Variants in SRGAP1 observed in about 807,000 individuals in gnomAD.
The protein encoded by SRGAP1 is SLIT-ROBO Rho GTPase-activating protein 1.
A neutral mutation model predicts 121.9 loss-of-function variants in SRGAP1; 43 were observed. That is an observed-to-expected ratio of 0.35 (90% CI 0.28 to 0.46). The LOEUF is 0.46. Ranked by LOEUF, SRGAP1 falls within the 20% of genes least tolerant of loss-of-function variation. The pLI, the probability that SRGAP1 is intolerant of heterozygous loss-of-function variation, is 1.00. For missense variants in SRGAP1, 1,102 were observed against 1,350.9 expected (o/e 0.82, Z 2.89); for synonymous variants, 447 against 485.4 (o/e 0.92, Z 1.04).
intron 1 of SRGAP1, among the ~76,000 whole-genome samples, chr12:63,851,877 C>T (rs1199075333): frequency 6.6e-6 from 1 of 151,900 alleles, no homozygotes; most frequent in Non-Finnish European, 1.5e-5. Context: ...TCCTTGTTGT[C>T]TTTGTGAGAT....
chr12:63,871,715 A>AT, intron 1 of SRGAP1: 2 of 909,026 alleles, frequency 2.2e-6, no homozygotes, highest in Non-Finnish European at 3.5e-6. Context: ...TCTCTTCAAA[A>AT]TTAAAAGAAA....
chr12:63,908,896 A>C (rs1592936740), intron 1 of SRGAP1, among the ~76,000 whole-genome samples: 1 of 151,888 alleles, frequency 6.6e-6, no homozygotes, highest in East Asian at 1.9e-4. Context: ...TTACAATAAT[A>C]ATCTTTTTTT....
Position 64,156,287 on chromosome 12 carries a change from A to G in SRGAP1, c.*13615A>G, listed in dbSNP as rs2037164036. Reference sequence around the variant, plus strand: ...TCCTTAATGTTGATTTTGTAGACTCATTTGCAGGAAGAACAATGTCAGGTG... The same window carrying G: ...TCCTTAATGTTGATTTTGTAGACTCGTTTGCAGGAAGAACAATGTCAGGTG... On this transcript the variant is annotated 3_prime_UTR_variant, in exon 22 of 22. Transcript: ENST00000355086. The G allele has an allele frequency of 6.6e-6, 1 of 152,214 alleles. No homozygotes were observed. Among genetic ancestry groups the G allele is most frequent in the South Asian group, 2.1e-4 (1 of 4,834 alleles). 9.4% of individuals were successfully genotyped at this position (152,214 alleles called of 1,614,324 possible).
intron 1 of SRGAP1, among the ~76,000 whole-genome samples, chr12:63,908,820 G>A (rs1257125993): frequency 6.6e-6 from 1 of 151,952 alleles, no homozygotes; most frequent in African/African-American, 2.4e-5. Flanking sequence ...AGAGTCTTGT[G>A]TATTAATCTT....
chr12:64,127,947 C>G lies in SRGAP1; in HGVS notation c.2627C>G (p.Ala876Gly). ...DGHCPLHPPH[A>G]LSNSSVDLGS... ...CATTGCCCGCTCCACCCTCCACATG[C>G]CCTTTCTAACTCCTCAGTTGACCTA... Residue 876 changes from alanine to glycine, a missense_variant, in exon 21 of 22, where the codon GCC becomes GGC. Ala to Gly is a moderately conservative substitution (Grantham distance 60). Coordinates refer to ENST00000355086, the MANE Select transcript of SRGAP1 (RefSeq NM_020762.4). 6.2e-7 allele frequency: 1 copy of G among 1,614,238 alleles called. No homozygotes were observed. The highest frequency in any genetic ancestry group is 1.7e-5 in the Admixed American group (1 of 60,032).
chr12:63,881,495 G>A (rs1443077101), intron 1 of SRGAP1, among the ~76,000 whole-genome samples: 6 of 152,174 alleles, frequency 3.9e-5, no homozygotes, highest in Non-Finnish European at 7.3e-5. Context: ...CAGGATGTCT[G>A]GATTCCCATC....
chr12:63,957,461 G>A (rs2032506902), intron 1 of SRGAP1, among the ~76,000 whole-genome samples: 1 of 152,160 alleles, frequency 6.6e-6, no homozygotes, highest in Non-Finnish European at 1.5e-5. Context: ...TCTGGCCCTG[G>A]AGAAAAGATG....
At chr12:64,058,899 A>G (rs963528152) in intron 6 of SRGAP1, among the ~76,000 whole-genome samples, 2 of 152,220 alleles carry the variant, frequency 1.3e-5, no homozygotes, top group African/African-American at 4.8e-5. Flanking sequence ...TCTTGTTTCT[A>G]GTTCAAGATG....
intron 19 of SRGAP1, among the ~76,000 whole-genome samples, 198 bp downstream of exon 19, chr12:64,126,355 C>T (rs1025592785): frequency 1.3e-5 from 2 of 152,218 alleles, no homozygotes; most frequent in Admixed American, 6.5e-5. Flanking sequence ...GGAACAAGAA[C>T]TCTGGGGAGA....
chr12:64,035,376 C>T (rs1187987252), intron 4 of SRGAP1, among the ~76,000 whole-genome samples: 1 of 152,100 alleles, frequency 6.6e-6, no homozygotes, highest in African/African-American at 2.4e-5. Context: ...ATTTGTAGTG[C>T]AGTAAGAGTA....
At chr12:63,920,804 T>G (rs1375784933) in intron 1 of SRGAP1, among the ~76,000 whole-genome samples, 1 of 152,170 alleles carries the variant, frequency 6.6e-6, no homozygotes, top group Non-Finnish European at 1.5e-5. Context: ...GATAATATCC[T>G]GGTTTGGGAG....
At chr12:63,998,901 C>G (rs2033794081) in intron 3 of SRGAP1, among the ~76,000 whole-genome samples, 1 of 152,114 alleles carries the variant, frequency 6.6e-6, no homozygotes, top group African/African-American at 2.4e-5. Flanking sequence ...TTGTCTCAGG[C>G]ATTTGTCAAG....
intron 1 of SRGAP1, among the ~76,000 whole-genome samples, chr12:63,920,986 A>C (rs2031018470): frequency 6.6e-6 from 1 of 152,180 alleles, no homozygotes; most frequent in South Asian, 2.1e-4. Context: ...CCTTCAATTA[A>C]ACATGTACAA....
chr12:63,921,981 C>CT (rs745306989), intron 1 of SRGAP1, among the ~76,000 whole-genome samples: 3,964 of 143,572 alleles, frequency 0.028, 70 homozygotes, highest in Non-Finnish European at 0.035. Flanking sequence ...TGATTTCTTT[C>CT]TTTTTTTTTT....
At chr12:63,867,486 A>T (rs935301508) in intron 1 of SRGAP1, among the ~76,000 whole-genome samples, 2 of 152,204 alleles carry the variant, frequency 1.3e-5, no homozygotes. Flanking sequence ...TTAAAGAGTC[A>T]ACACAGTATA....
At chr12:64,062,788 C>A in intron 6 of SRGAP1, 129 bp from the exon 7 acceptor site, 1 of 632,468 alleles carries the variant, frequency 1.6e-6, no homozygotes, top group Non-Finnish European at 2.8e-6. Context: ...GAAACCAGTG[C>A]CTAATCCAAT....
At chr12:64,049,530 G>A (rs2035197294) in intron 6 of SRGAP1, among the ~76,000 whole-genome samples, 1 of 152,076 alleles carries the variant, frequency 6.6e-6, no homozygotes, top group Non-Finnish European at 1.5e-5. Flanking sequence ...ATAGCATGAG[G>A]GTAATTGTCC....
intron 1 of SRGAP1, among the ~76,000 whole-genome samples, chr12:63,893,117 C>T (rs973104405): frequency 9.2e-5 from 14 of 152,262 alleles, no homozygotes; most frequent in Non-Finnish European, 1.5e-4. Context: ...TATAGTTAGA[C>T]GGTGATTATG....
chr12:64,124,277 A>G (rs1050505558), intron 18 of SRGAP1, among the ~76,000 whole-genome samples: 2 of 152,244 alleles, frequency 1.3e-5, no homozygotes, highest in African/African-American at 4.8e-5. Context: ...TTCTCATGCA[A>G]TGATTATAAG....
Sources: gnomAD v4.1 joint callset for allele counts (sites outside exome capture counted in the v4.1 genomes callset) on GRCh38, gnomAD v4.1.1 for gene constraint, MANE v1.5 for transcripts, NCBI Gene and HGNC (gene_info 2026-07-23, HGNC 2026-07-21) for gene names.